INTS9: variants seen among roughly 807,000 people sequenced by gnomAD.
INTS9 encodes the protein protein related to CPSF subunits of 74 kDa.
In INTS9, 55 loss-of-function variants were observed where a neutral mutation model predicts 79.7. The observed-to-expected ratio is 0.69, with a 90% CI of 0.56 to 0.86. The LOEUF (loss-of-function observed/expected upper bound fraction) is 0.86. Ranked by LOEUF, INTS9 falls within the 40% of genes least tolerant of loss-of-function variation. The pLI is 0.00. For missense variants in INTS9, 721 were observed against 831.5 expected, an observed-to-expected ratio of 0.87 and a Z score of 1.64; for synonymous variants, 319 against 325.2, an observed-to-expected ratio of 0.98 and a Z score of 0.20.
At chr8:28,835,463 AC>A in intron 5 of INTS9, 85 bp from the exon 6 acceptor site, 4 of 738,976 alleles carry the variant, frequency 5.4e-6, no homozygotes, top group South Asian at 2.2e-5. Flanking sequence ...AGGAGAAATG[AC>A]TTGCCCACCT....
At chr8:28,801,842 GGCTC>G (rs1235343796) in intron 8 of INTS9, among the ~76,000 whole-genome samples, 1 of 152,060 alleles carries the variant, frequency 6.6e-6, no homozygotes, top group East Asian at 1.9e-4. Flanking sequence ...CAAACTCCTG[GGCTC>G]AAGCAATCCT....
At chr8:28,775,997 G>T in intron 13 of INTS9, 71 bp from the exon 14 acceptor site, 1 of 1,248,650 alleles carries the variant, frequency 8.0e-7, no homozygotes, top group Non-Finnish European at 1.1e-6. Context: ...GCCCATTCCT[G>T]ACCCCGATCC....
intron 8 of INTS9, among the ~76,000 whole-genome samples, chr8:28,810,990 C>A (rs929018001): frequency 2.4e-4 from 36 of 152,192 alleles, no homozygotes; most frequent in African/African-American, 8.7e-4. Flanking sequence ...ACGCTGTGAC[C>A]ACAATAGCCT....
At chr8:28,889,834 A>G in intron 1 of INTS9, 40 bp downstream of exon 1, 1 of 1,611,718 alleles carries the variant, frequency 6.2e-7, no homozygotes, top group Non-Finnish European at 8.5e-7. Flanking sequence ...AAAAGGTTAT[A>G]GCATCACCTT....
At chr8:28,888,935 C>T (rs1810372303) in intron 1 of INTS9, among the ~76,000 whole-genome samples, 1 of 151,392 alleles carries the variant, frequency 6.6e-6, no homozygotes, top group Admixed American at 6.6e-5. Flanking sequence ...GACAGAGTCT[C>T]GCGCTGTTGC....
intron 9 of INTS9, 66 bp downstream of exon 9, chr8:28,796,478 A>G: frequency 1.1e-6 from 1 of 886,898 alleles, no homozygotes; most frequent in Non-Finnish European, 1.8e-6. Context: ...GTAAAATATT[A>G]TATTTATTAT....
At chr8:28,889,713 C>G (rs1032246245) in intron 1 of INTS9, 161 bp downstream of exon 1, 2 of 710,692 alleles carry the variant, frequency 2.8e-6, no homozygotes, top group Non-Finnish European at 4.7e-6. Context: ...GAATTCAAAC[C>G]TTCTCAACAA....
In INTS9 at chr8:28,803,741, T is replaced by C. The variant is rs188594210; in HGVS notation, c.745-7086A>G. On this transcript the variant is annotated intron_variant, in intron 8 of 16. Coordinates refer to ENST00000521022, the MANE Select transcript of INTS9 (RefSeq NM_018250.4). ...ATAGCTCTTAATGTCAGGATTCATA[T>C]AGTTTTTATCTTTTCTCTGAGATTT... 2.5e-4 allele frequency among the ~76,000 whole-genome samples: 38 copies of C among 152,316 alleles called. No individual in the cohort carries two copies. In the East Asian group the frequency reaches 6.7e-3, roughly 27 times the overall value.
At chr8:28,885,468 T>C (rs1017841884) in intron 1 of INTS9, among the ~76,000 whole-genome samples, 2 of 152,320 alleles carry the variant, frequency 1.3e-5, no homozygotes, top group South Asian at 2.1e-4. Context: ...TCAAATGTAA[T>C]GGTTAAAATG....
At chr8:28,838,431 T>C (rs766508688) in intron 4 of INTS9, among the ~76,000 whole-genome samples, 1 of 151,988 alleles carries the variant, frequency 6.6e-6, no homozygotes, top group African/African-American at 2.4e-5. Context: ...CAGGTTAGCA[T>C]GTGAGGGAAA....
At chr8:28,797,853 G>A (rs534424371) in intron 8 of INTS9, among the ~76,000 whole-genome samples, 152 of 152,140 alleles carry the variant, frequency 1.0e-3, no homozygotes, top group Non-Finnish European at 1.6e-3. Context: ...ACCCAATTTC[G>A]CAGTAAATAA....
intron 1 of INTS9, among the ~76,000 whole-genome samples, chr8:28,871,413 C>CA (rs947073049): frequency 2.6e-5 from 4 of 151,312 alleles, no homozygotes; most frequent in Admixed American, 2.6e-4. Flanking sequence ...TAGGAGATAA[C>CA]TTTTTTTTTG....
intron 10 of INTS9, among the ~76,000 whole-genome samples, chr8:28,792,965 C>A (rs996710575): frequency 1.0e-4 from 15 of 150,662 alleles, no homozygotes; most frequent in African/African-American, 3.7e-4. Flanking sequence ...GATAGAGACG[C>A]CTGTATGAGT....
At chr8:28,778,105 C>G (rs779067666) in intron 12 of INTS9, 152 bp from the exon 13 acceptor site, 153 of 754,508 alleles carry the variant, frequency 2.0e-4, no homozygotes, top group Non-Finnish European at 2.7e-4. Context: ...AAAGGGGCCC[C>G]GTGGAAGGAG....
intron 6 of INTS9, among the ~76,000 whole-genome samples, chr8:28,828,611 C>T (rs937805941): frequency 6.6e-6 from 1 of 152,192 alleles, no homozygotes; most frequent in African/African-American, 2.4e-5. Flanking sequence ...TCTTCTCTTC[C>T]TATCATAGAG....
chr8:28,854,700 A>G (rs574019755), intron 2 of INTS9, among the ~76,000 whole-genome samples: 2 of 152,186 alleles, frequency 1.3e-5, no homozygotes, highest in South Asian at 4.1e-4. Flanking sequence ...GAAGCAGGCA[A>G]GGCACACAAA....
At chr8:28,794,483 A>G (rs1402764188) in intron 9 of INTS9, among the ~76,000 whole-genome samples, 4 of 152,194 alleles carry the variant, frequency 2.6e-5, no homozygotes, top group Admixed American at 1.3e-4. Context: ...CCTAGATGCT[A>G]TAACTTGAGG....
At chr8:28,772,016 A>G (rs1802571195) in intron 14 of INTS9, among the ~76,000 whole-genome samples, 1 of 151,978 alleles carries the variant, frequency 6.6e-6, no homozygotes, top group Non-Finnish European at 1.5e-5. Flanking sequence ...ATGAACCACC[A>G]CGCCTGGCTA....
chr8:28,879,744 C>A (rs1809593568), intron 1 of INTS9, among the ~76,000 whole-genome samples: 1 of 152,018 alleles, frequency 6.6e-6, no homozygotes, highest in Non-Finnish European at 1.5e-5. Context: ...AAAAAAGAAA[C>A]AACTGATATA....
Sources: gnomAD v4.1 joint callset for allele counts (sites outside exome capture counted in the v4.1 genomes callset) on GRCh38, gnomAD v4.1.1 for gene constraint, MANE v1.5 for transcripts, NCBI Gene and HGNC (gene_info 2026-07-23, HGNC 2026-07-21) for gene names.